Variants in ATP2B4 observed in about 807,000 individuals in gnomAD.
ATP2B4 encodes the protein plasma membrane calcium-transporting ATPase 4.
ATP2B4 carries 39 observed loss-of-function variants against 110.3 expected under a neutral mutation model. The observed-to-expected ratio is 0.35, with a 90% confidence interval of 0.27 to 0.46. The LOEUF (loss-of-function observed/expected upper bound fraction) is 0.46. ATP2B4 is among the 20% of genes least tolerant of loss of function. The probability of loss-of-function intolerance (pLI) is 1.00; values close to 1 mark genes in which losing one functional copy is unlikely to be tolerated. For synonymous variants in ATP2B4, 538 were observed against 571.7 expected, an observed-to-expected ratio of 0.94 and a Z score of 0.84; for missense variants, 1,135 against 1,530.9, an observed-to-expected ratio of 0.74 and a Z score of 4.32.
At chr1:203,724,025 G>A (rs754253485) in intron 19 of ATP2B4, 37 bp downstream of exon 19, 3 of 1,553,682 alleles carry the variant, frequency 1.9e-6, no homozygotes, top group Non-Finnish European at 2.6e-6. Flanking sequence ...CATTCTCACA[G>A]CCTGCAGAAC....
At chr1:203,707,477 C>T (rs1665883003) in intron 9 of ATP2B4, among the ~76,000 whole-genome samples, 2 of 151,140 alleles carry the variant, frequency 1.3e-5, no homozygotes, top group Admixed American at 6.6e-5. Flanking sequence ...GACAGAGTCT[C>T]ATTCTGTCAC....
chr1:203,728,084 G>T, intron 20 of ATP2B4: 1 of 397,192 alleles, frequency 2.5e-6, no homozygotes, highest in Non-Finnish European at 5.2e-6. Context: ...CATTCAAAGT[G>T]TAAGGCCATG....
intron 2 of ATP2B4, among the ~76,000 whole-genome samples, chr1:203,690,016 T>C (rs1231992229): frequency 1.3e-5 from 2 of 152,216 alleles, no homozygotes; most frequent in Non-Finnish European, 2.9e-5. Context: ...CCTTCCTTAA[T>C]TACTGGGTAG....
intron 1 of ATP2B4, among the ~76,000 whole-genome samples, chr1:203,681,649 C>T (rs1665016405): frequency 6.6e-6 from 1 of 152,100 alleles, no homozygotes; most frequent in Admixed American, 6.6e-5. Flanking sequence ...CACCTTCAGC[C>T]CTCCGTTTTG....
intron 12 of ATP2B4, 90 bp downstream of exon 12, chr1:203,711,198 C>A: frequency 8.1e-7 from 1 of 1,231,880 alleles, no homozygotes; most frequent in Non-Finnish European, 1.2e-6. Flanking sequence ...ACCTAACTGC[C>A]TCTCACTTAG....
intron 10 of ATP2B4, 72 bp from the exon 11 acceptor site, chr1:203,709,229 T>C: frequency 6.3e-7 from 1 of 1,581,482 alleles, no homozygotes; most frequent in African/African-American, 1.3e-5. Context: ...TGTAAATGAG[T>C]TCTTTCTCCC....
intron 1 of ATP2B4, among the ~76,000 whole-genome samples, chr1:203,654,893 A>T (rs1558017719): frequency 1.7e-5 from 1 of 59,696 alleles, no homozygotes. Flanking sequence ...TCTGGAAAAA[A>T]AAAAAAAAAA....
Position 203,740,189 on chromosome 1 carries a change from T to G in ATP2B4, c.*335T>G. The G allele has an allele frequency of 3.9e-6, 1 of 258,196 alleles. No homozygotes were observed. Among genetic ancestry groups the G allele is most frequent in the Admixed American group, 4.9e-5 (1 of 20,272 alleles). 16.0% of individuals were successfully genotyped at this position (258,196 alleles called of 1,614,324 possible). ...CACATTCTCCCCGATGTTCCTCTCC[T>G]GAATTCTGGATTTTGTCCTACAAGT... On this transcript the variant is annotated 3_prime_UTR_variant, in exon 21 of 21. Transcript: ENST00000357681.
intron 19 of ATP2B4, among the ~76,000 whole-genome samples, 181 bp from the exon 20 acceptor site, chr1:203,727,214 C>T (rs973416807): frequency 4.6e-5 from 7 of 152,110 alleles, no homozygotes; most frequent in South Asian, 2.1e-4. Context: ...AAAGCCTGAC[C>T]GCTGGTGGGC....
At chr1:203,674,909 A>G (rs952609086) in intron 1 of ATP2B4, among the ~76,000 whole-genome samples, 25 of 152,094 alleles carry the variant, frequency 1.6e-4, no homozygotes, top group African/African-American at 5.8e-4. Context: ...GGGTTTCGCC[A>G]TGTTGGCCAG....
At chr1:203,712,181 G>A (rs895234570) in intron 13 of ATP2B4, 42 bp downstream of exon 13, 1 of 1,597,668 alleles carries the variant, frequency 6.3e-7, no homozygotes, top group Middle Eastern at 1.8e-4. Flanking sequence ...ACCTGACAAG[G>A]AAAAGGCGGG....
intron 20 of ATP2B4, among the ~76,000 whole-genome samples, chr1:203,732,331 G>C (rs187440684): frequency 6.6e-6 from 1 of 152,120 alleles, no homozygotes; most frequent in Non-Finnish European, 1.5e-5. Context: ...TCTAATTGCC[G>C]AGTTACTGTC....
chr1:203,694,253 A>G (rs940265980), intron 2 of ATP2B4, among the ~76,000 whole-genome samples: 1 of 152,226 alleles, frequency 6.6e-6, no homozygotes, highest in Non-Finnish European at 1.5e-5. Flanking sequence ...GGCCTGAGGA[A>G]CAAAGATAAA....
At chr1:203,714,122 G>C (rs1461231715) in intron 14 of ATP2B4, 49 bp from the exon 15 acceptor site, 2 of 1,548,898 alleles carry the variant, frequency 1.3e-6, no homozygotes, top group African/African-American at 1.4e-5. Flanking sequence ...AGGAACTGAA[G>C]GGTGGGGGAG....
At position 203,710,844 on chromosome 1, in the gene ATP2B4, G is replaced by C. The variant is rs1273466503; in HGVS notation, c.1800-33G>C. 2.0e-6 allele frequency: 3 copies of C among 1,504,914 alleles called. No individual in the cohort carries two copies. In the South Asian group the frequency reaches 3.5e-5, roughly 18 times the overall value. 93.2% of individuals were successfully genotyped at this position (1,504,914 alleles called of 1,614,324 possible). A position where few individuals can be genotyped will look rare whatever the true frequency, so the allele number is the denominator to read the frequency against. On this transcript the variant is annotated intron_variant, in intron 11 of 20. Transcript: ENST00000357681. The stretch of plus-strand genomic sequence containing the variant: ...TGTAGAAACGTATTGAGTGGGAAGG[G>C]AGACACCGCGTTCTTACTGTGCGCC...
intron 1 of ATP2B4, among the ~76,000 whole-genome samples, chr1:203,635,936 C>A (rs1663423867): frequency 6.6e-6 from 1 of 152,146 alleles, no homozygotes; most frequent in South Asian, 2.1e-4. Context: ...CTCACTGCTC[C>A]CCACCCACAG....
chr1:203,712,204 G>C lies in ATP2B4; in HGVS notation c.2211+65G>C, dbSNP rs541710384. 110 of 1,545,980 alleles carry C rather than the reference G, an allele frequency of 7.1e-5. 1 individual carries two copies. In the Middle Eastern group the frequency reaches 8.3e-4, roughly 12 times the overall value. ...AGGAAAAGGCGGGTTCTAGCATAAG[G>C]CATCTGGGTCATGTGCGGGAAGGTG... On this transcript the variant is annotated intron_variant, in intron 13 of 20. Coordinates refer to ENST00000357681, the MANE Select transcript of ATP2B4 (RefSeq NM_001684.5).
intron 2 of ATP2B4, 72 bp from the exon 3 acceptor site, chr1:203,698,085 C>T (rs899230886): frequency 5.2e-6 from 7 of 1,347,126 alleles, no homozygotes; most frequent in Non-Finnish European, 7.4e-6. Context: ...TGGCTCACTG[C>T]CACTTCAAAA....
At chr1:203,657,742 T>C in intron 1 of ATP2B4, 3 of 711,164 alleles carry the variant, frequency 4.2e-6, no homozygotes, top group Non-Finnish European at 7.7e-6. Flanking sequence ...TGTAATTCAA[T>C]ATATTCGTTC....
Sources: allele counts gnomAD v4.1 joint callset (sites outside exome capture counted in the v4.1 genomes callset), GRCh38; gene constraint gnomAD v4.1.1; transcripts MANE v1.5; gene names NCBI Gene and HGNC (gene_info 2026-07-23, HGNC 2026-07-21).